ZNF234: variants seen among roughly 807,000 people sequenced by gnomAD.
ZNF234 encodes C2-H2 type zinc finger protein.
ZNF234 carries 4 observed loss-of-function variants against 10.3 expected under a neutral mutation model. The ratio of observed to expected loss-of-function variants is 0.39; its 90% CI spans 0.19 to 0.89. The LOEUF is 0.89. Among genes scored for constraint, ZNF234 ranks in the 40% least tolerant of loss-of-function variants. ZNF234 has a pLI of 0.38. For missense variants in ZNF234, 711 were observed against 836.1 expected (o/e 0.85, Z 1.85); for synonymous variants, 258 against 280.1 (o/e 0.92, Z 0.79).
Position 44,156,705 on chromosome 19 carries a change from A to G in ZNF234, c.689A>G (p.Lys230Arg), listed in dbSNP as rs753330994. 5.6e-6 allele frequency: 9 copies of G among 1,614,198 alleles called. No individual in the cohort carries two copies. Among genetic ancestry groups the G allele is most frequent in the Non-Finnish European group, 7.6e-6 (9 of 1,180,034 alleles). ...CATCAGAGAGTCCACACTGTAGAGA[A>G]ACCATTCAAATGTGTGGAATGTGGG... ...QTHQRVHTVE[K>R]PFKCVECGKG... The change falls in exon 6 of 6, where the codon AAA becomes AGA. Residue 230 changes from lysine (K) to arginine (R), a missense_variant. Coordinates refer to ENST00000426739, the MANE Select transcript of ZNF234 (RefSeq NM_006630.3).
chr19:44,141,858 G>A lies in ZNF234; in HGVS notation c.-131+125G>A, dbSNP rs1325972134. 1.3e-5 allele frequency: 2 copies of A among 152,298 alleles called. No homozygotes were observed. Among genetic ancestry groups the A allele is most frequent in the East Asian group, 3.9e-4 (2 of 5,178 alleles). The allele number at this position is 152,298 out of a possible 1,614,324, so 9.4% of individuals were successfully genotyped here. On this transcript the variant is annotated intron_variant, in intron 1 of 5. Coordinates refer to ENST00000426739, the MANE Select transcript of ZNF234 (RefSeq NM_006630.3). The surrounding 1 kb of genome is among the most constrained non-coding windows in gnomAD (Gnocchi z 4.6). ...ACTTGGTTGGGTCGCGTCTCGCCTG[G>A]TTTGAGGGTTTCCGGGGCTCTGAGC...
chr19:44,146,531 A>G (rs1599693336), intron 3 of ZNF234, among the ~76,000 whole-genome samples: 1 of 152,180 alleles, frequency 6.6e-6, no homozygotes, highest in African/African-American at 2.4e-5. Context: ...AAGCATGGGG[A>G]TCAGGGGGTG....
intron 2 of ZNF234, among the ~76,000 whole-genome samples, chr19:44,143,969 T>G (rs1330973341): frequency 1.3e-5 from 2 of 152,242 alleles, no homozygotes; most frequent in Non-Finnish European, 2.9e-5. Context: ...CGCAGTCTTG[T>G]TAAATTAAAT....
chr19:44,151,484 A>C (rs1275481270), intron 5 of ZNF234, among the ~76,000 whole-genome samples: 1 of 152,200 alleles, frequency 6.6e-6, no homozygotes, highest in Admixed American at 6.5e-5. Flanking sequence ...GGCATGAGCC[A>C]CTGTGCCCGA....
chr19:44,157,750 G>T lies in ZNF234; in HGVS notation c.1734G>T (p.Lys578Asn), dbSNP rs749739279. ...GTGGGGAGTGTGGAAAGGGCTTCAA[G>T]TGGAGCTTGAACCTTGACATGCATC... Reference protein sequence around the residue: ...YKCGECGKGFKWSLNLDMHQR... With the variant: ...YKCGECGKGFNWSLNLDMHQR... The change falls in exon 6 of 6, where the codon AAG becomes AAT. Residue 578 changes from lysine to asparagine, a missense_variant. Lys to Asn is a moderately conservative substitution (Grantham distance 94). Coordinates refer to ENST00000426739, the MANE Select transcript of ZNF234 (RefSeq NM_006630.3). The T allele has an allele frequency of 1.1e-5, 17 of 1,613,674 alleles. No homozygotes were observed. The Admixed American group carries it at 2.5e-4, about 24-fold the overall frequency.
At chr19:44,143,044 G>T (rs1272792340) in intron 2 of ZNF234, among the ~76,000 whole-genome samples, 2 of 152,106 alleles carry the variant, frequency 1.3e-5, no homozygotes, top group Non-Finnish European at 2.9e-5. Flanking sequence ...ATTCTATCAT[G>T]CTCATTCTTA....
Position 44,156,494 on chromosome 19 carries a change from G to A in ZNF234, c.478G>A (p.Val160Ile). The part of the protein sequence containing the change: ...CDEYKKSFTD[V>I]FNFDLHQQLH... Reference sequence around the variant, plus strand: ...TGAGTACAAAAAATCCTTCACTGATGTCTTCAACTTTGATCTTCATCAACA... The same window carrying A: ...TGAGTACAAAAAATCCTTCACTGATATCTTCAACTTTGATCTTCATCAACA... Residue 160 changes from valine to isoleucine, a missense_variant, in exon 6 of 6, where the codon GTC becomes ATC. Transcript: ENST00000426739. The A allele has an allele frequency of 1.2e-6, 2 of 1,614,190 alleles. No homozygotes were observed. Among genetic ancestry groups the A allele is most frequent in the Non-Finnish European group, 1.7e-6 (2 of 1,180,022 alleles).
intron 5 of ZNF234, among the ~76,000 whole-genome samples, chr19:44,150,845 C>G (rs1345759338): frequency 1.3e-5 from 2 of 152,020 alleles, no homozygotes; most frequent in Non-Finnish European, 2.9e-5. Context: ...ACCAGCCTGG[C>G]TAACATGGCA....
chr19:44,156,526 C>T lies in ZNF234; in HGVS notation c.510C>T (p.His170=). ...VFNFDLHQQL[H]SGEKSHTCDE... ...ACTTTGATCTTCATCAACAGTTACA[C>T]TCAGGAGAGAAGTCTCATACATGTG... The change falls in exon 6 of 6, where the codon CAC becomes CAT. Residue 170 remains histidine (H), a synonymous_variant. Transcript: ENST00000426739. The T allele has an allele frequency of 6.2e-7, 1 of 1,614,238 alleles. No individual in the cohort carries two copies. Among genetic ancestry groups the T allele is most frequent in the African/African-American group, 1.3e-5 (1 of 75,054 alleles).
intron 5 of ZNF234, among the ~76,000 whole-genome samples, chr19:44,154,827 G>A (rs1394481793): frequency 6.6e-6 from 1 of 151,972 alleles, no homozygotes; most frequent in Non-Finnish European, 1.5e-5. Flanking sequence ...TGTAGGGCCA[G>A]AGTCTTGCTA....
Position 44,159,523 on chromosome 19 carries a change from T to A in ZNF234, c.*1404T>A, listed in dbSNP as rs1968988340. 7 of 382,972 alleles carry A rather than the reference T, an allele frequency of 1.8e-5. No homozygotes were observed. The highest frequency in any genetic ancestry group is 1.3e-4 in the South Asian group (7 of 53,520). The allele number at this position is 382,972 out of a possible 1,614,324, so 23.7% of individuals were successfully genotyped here. A position where few individuals can be genotyped will look rare whatever the true frequency, so the allele number is the denominator to read the frequency against. ...TTCTGACAGTGCAGACTGAAAAAAA[T>A]TTAATTAACCTGACAAGAGTTTACT... On this transcript the variant is annotated 3_prime_UTR_variant, in exon 6 of 6. Coordinates refer to ENST00000426739, the MANE Select transcript of ZNF234 (RefSeq NM_006630.3).
chr19:44,143,958 AC>A (rs1228382444), intron 2 of ZNF234, among the ~76,000 whole-genome samples: 1 of 152,248 alleles, frequency 6.6e-6, no homozygotes, highest in Non-Finnish European at 1.5e-5. Context: ...TGGACTCAGA[AC>A]GCAGTCTTGT....
rs1403141022 is a variant in ZNF234, at chr19:44,150,561, T to G, written c.235+56T>G. 15 of 1,399,890 alleles carry G rather than the reference T, an allele frequency of 1.1e-5. No homozygotes were observed. The African/African-American group carries it at 2.0e-4, about 19-fold the overall frequency. 86.7% of individuals were successfully genotyped at this position (1,399,890 alleles called of 1,614,324 possible). ...CGTGATTGTCCATCTGTTGTACTTC[T>G]CTCCCCTGCTCTTGCTGCCATCGGG... is the stretch of plus-strand genomic sequence containing the variant. On this transcript the variant is annotated intron_variant, in intron 5 of 5. Coordinates refer to ENST00000426739, the MANE Select transcript of ZNF234 (RefSeq NM_006630.3).
chr19:44,154,873 G>C (rs555885621), intron 5 of ZNF234, among the ~76,000 whole-genome samples: 2 of 152,150 alleles, frequency 1.3e-5, no homozygotes, highest in East Asian at 3.9e-4. Context: ...CTGGGCTCAA[G>C]TGATCCTCCG....
In ZNF234 at chr19:44,159,297, CCTCT is replaced by C. The variant is rs1968983159; in HGVS notation, c.*1179_*1182del. 1.2e-5 allele frequency: 2 copies of C among 171,976 alleles called. No homozygotes were observed. The highest frequency in any genetic ancestry group is 2.8e-3 in the Middle Eastern group (1 of 362). The allele number at this position is 171,976 out of a possible 1,614,324, so 10.7% of individuals were successfully genotyped here. ...GGCTCCATCCATCTGCCCATCTCTCCCTCTGAGTAGCTGGGACCACGGGCACGTG... is the reference window on the plus strand; with the variant it reads ...GGCTCCATCCATCTGCCCATCTCTCCGAGTAGCTGGGACCACGGGCACGTG... On this transcript the variant is annotated 3_prime_UTR_variant, in exon 6 of 6. Transcript: ENST00000426739.
At chr19:44,152,706 A>G (rs1968772735) in intron 5 of ZNF234, among the ~76,000 whole-genome samples, 1 of 152,164 alleles carries the variant, frequency 6.6e-6, no homozygotes, top group Non-Finnish European at 1.5e-5. Flanking sequence ...CCACAAGAAG[A>G]TAACTATTTC....
intron 2 of ZNF234, among the ~76,000 whole-genome samples, chr19:44,143,558 G>A (rs1283720088): frequency 2.0e-5 from 3 of 150,492 alleles, no homozygotes; most frequent in African/African-American, 7.3e-5. Context: ...GCAGTGAGCC[G>A]AGATTGCGCC....
At position 44,157,086 on chromosome 19, in the gene ZNF234, C is replaced by T; in HGVS notation, c.1070C>T (p.Ser357Leu). 6.2e-7 allele frequency: 1 copy of T among 1,614,144 alleles called. No individual in the cohort carries two copies. Among genetic ancestry groups the T allele is most frequent in the African/African-American group, 1.3e-5 (1 of 75,030 alleles). The change falls in exon 6 of 6, where the codon TCA (serine) becomes TTA (leucine). Residue 357 changes from serine to leucine, a missense_variant. Coordinates refer to ENST00000426739, the MANE Select transcript of ZNF234 (RefSeq NM_006630.3). ...EECGKCFIQP[S>L]QFQAHRRIHT... ...TGTGGTAAGTGCTTTATTCAGCCTT[C>T]ACAATTTCAGGCCCATCGGAGAATC...
chr19:44,143,098 T>A (rs1165851338), intron 2 of ZNF234, among the ~76,000 whole-genome samples: 3 of 152,192 alleles, frequency 2.0e-5, no homozygotes, highest in Admixed American at 6.5e-5. Flanking sequence ...CCTGATTTTT[T>A]AAAAAAACTT....
Sources: gnomAD v4.1 joint callset for allele counts (sites outside exome capture counted in the v4.1 genomes callset) on GRCh38, gnomAD v4.1.1 for gene constraint, Gnocchi (gnomAD v3.1) non-coding constraint, MANE v1.5 for transcripts, NCBI Gene and HGNC (gene_info 2026-07-23, HGNC 2026-07-21) for gene names.